NSF: variants seen among roughly 807,000 people sequenced by gnomAD.
NSF encodes the protein N-ethylmaleimide sensitive factor, vesicle fusing ATPase.
A neutral mutation model predicts 50.3 loss-of-function variants in NSF; 14 were observed. The ratio of observed to expected loss-of-function variants is 0.28; its 90% CI spans 0.18 to 0.44. The LOEUF (loss-of-function observed/expected upper bound fraction) is 0.44. Ranked by LOEUF, NSF falls within the 20% of genes least tolerant of loss-of-function variation. The pLI, the probability that NSF is intolerant of heterozygous loss-of-function variation, is 1.00. For missense variants in NSF, 218 were observed against 504.3 expected, an observed-to-expected ratio of 0.43 and a Z score of 5.44; for synonymous variants, 109 against 175.7, an observed-to-expected ratio of 0.62 and a Z score of 3.00.
intron 17 of NSF, among the ~76,000 whole-genome samples, chr17:46,731,000 A>G (rs1197495121): frequency 6.6e-6 from 1 of 152,184 alleles, no homozygotes; most frequent in Non-Finnish European, 1.5e-5. Flanking sequence ...TAGAGTTACC[A>G]TATAACCCAG....
chr17:46,679,700 A>G (rs867784935), intron 9 of NSF, among the ~76,000 whole-genome samples: 2 of 151,676 alleles, frequency 1.3e-5, no homozygotes, highest in South Asian at 2.1e-4. Context: ...GTCAAAAAAA[A>G]AAAAAAGAAG....
intron 17 of NSF, among the ~76,000 whole-genome samples, chr17:46,748,033 A>G (rs1419276165): frequency 6.6e-6 from 1 of 152,234 alleles, no homozygotes; most frequent in Non-Finnish European, 1.5e-5. Flanking sequence ...AAGATCAAAG[A>G]TCAGATAGCA....
intron 17 of NSF, among the ~76,000 whole-genome samples, chr17:46,737,737 C>T (rs2059022982): frequency 6.6e-6 from 1 of 151,798 alleles, no homozygotes; most frequent in Non-Finnish European, 1.5e-5. Context: ...AAAGTGTGGT[C>T]CATTTTACCT....
Position 46,708,822 on chromosome 17 carries a change from AT to A in NSF, c.1471-2120del, listed in dbSNP as rs386627394. Among the ~76,000 whole-genome samples the A allele has an allele frequency of 0.026, 2,869 of 108,572 alleles. 255 individuals carry two copies. In the East Asian group the frequency reaches 0.39, roughly 15 times the overall value. 71.2% of individuals were successfully genotyped at this position (108,572 alleles called of 152,430 possible). On this transcript the variant is annotated intron_variant, in intron 13 of 20. Coordinates refer to ENST00000398238, the MANE Select transcript of NSF (RefSeq NM_006178.4). ...ATTTATTTTATATATATATATATAT[AT>A]TTTTTTTTTTTTTTTTTTTTGAGAC...
At chr17:46,667,771 TG>T (rs1255050492) in intron 8 of NSF, among the ~76,000 whole-genome samples, 1 of 122,110 alleles carries the variant, frequency 8.2e-6, no homozygotes, top group East Asian at 2.1e-4. Context: ...CACACCACTT[TG>T]GGGATCTCAG....
intron 12 of NSF, among the ~76,000 whole-genome samples, chr17:46,703,626 G>A (rs1190287103): frequency 1.9e-4 from 27 of 139,058 alleles, no homozygotes; most frequent in African/African-American, 6.4e-4. Context: ...AGCTTGCAGC[G>A]TCCGAGATCG....
chr17:46,605,993 TACAAAAAAAAA>T (rs2057954373), intron 1 of NSF, among the ~76,000 whole-genome samples: 2 of 756 alleles, frequency 2.6e-3, no homozygotes, highest in Admixed American at 0.013. Flanking sequence ...CTACTAAAAA[TACAAAAAAAAA>T]AAAAAAAAAA....
At chr17:46,746,582 A>T (rs1170773155) in intron 17 of NSF, among the ~76,000 whole-genome samples, 1 of 152,008 alleles carries the variant, frequency 6.6e-6, no homozygotes, top group Non-Finnish European at 1.5e-5. Context: ...TTATCTATGG[A>T]CTGAGTGTGT....
rs542116729 is a variant in NSF, at chr17:46,602,431, T to C, written c.12+11644T>C. ...AATGCAGGGTATTTTGGTCTTTTGC[T>C]AAATTCAGAAAGAAATGTTAAAGTG... On this transcript the variant is annotated intron_variant, in intron 1 of 20. Coordinates refer to ENST00000398238, the MANE Select transcript of NSF (RefSeq NM_006178.4). 8 of 24,194 alleles carry C rather than the reference T, an allele frequency of 3.3e-4. No individual in the cohort carries two copies. The South Asian group carries it at 3.5e-3, about 11-fold the overall frequency. The allele number at this position is 24,194 out of a possible 1,614,324, so 1.5% of individuals were successfully genotyped here.
intron 8 of NSF, among the ~76,000 whole-genome samples, chr17:46,662,742 CT>C (rs2058316351): frequency 7.4e-6 from 1 of 136,032 alleles, no homozygotes; most frequent in African/African-American, 2.7e-5. Context: ...CTTTTTAGCC[CT>C]TTACCATCCT....
chr17:46,710,898 G>A (rs940402268), intron 13 of NSF, 65 bp from the exon 14 acceptor site: 39 of 1,417,040 alleles, frequency 2.8e-5, no homozygotes, highest in Admixed American at 5.3e-5. Context: ...ATTATAACTC[G>A]TCTTTTATAC....
chr17:46,715,665 A>C lies in NSF; in HGVS notation c.1761+1679A>C, dbSNP rs112314107. 3.3e-3 allele frequency among the ~76,000 whole-genome samples: 496 copies of C among 152,316 alleles called. 5 individuals carry two copies. The highest frequency in any genetic ancestry group is 0.012 in the African/African-American group (480 of 41,570). On this transcript the variant is annotated intron_variant, in intron 15 of 20. Coordinates refer to ENST00000398238, the MANE Select transcript of NSF (RefSeq NM_006178.4). ...TTCTGCAGATCAAAGCTACTTTGTA[A>C]GTGTGAGATATTATCATTTTTATTA...
intron 15 of NSF, among the ~76,000 whole-genome samples, chr17:46,718,739 A>C (rs1420583363): frequency 6.6e-6 from 1 of 152,232 alleles, no homozygotes; most frequent in Non-Finnish European, 1.5e-5. Context: ...AAATGAAGAT[A>C]ATATTAATAG....
intron 15 of NSF, among the ~76,000 whole-genome samples, chr17:46,716,765 C>T (rs1173106202): frequency 6.6e-6 from 1 of 151,990 alleles, no homozygotes; most frequent in Non-Finnish European, 1.5e-5. Flanking sequence ...CATATTTGTC[C>T]TTCAATTCTC....
intron 15 of NSF, among the ~76,000 whole-genome samples, chr17:46,723,388 T>G (rs2058853306): frequency 6.6e-6 from 1 of 152,204 alleles, no homozygotes; most frequent in Non-Finnish European, 1.5e-5. Context: ...GATACCACAT[T>G]GGCTGCGGTT....
chr17:46,605,172 C>A (rs2057942950), intron 1 of NSF, among the ~76,000 whole-genome samples: 1 of 63,092 alleles, frequency 1.6e-5, no homozygotes, highest in Non-Finnish European at 3.4e-5. Context: ...CTGTCAGAGG[C>A]TGGGCATGGT....
chr17:46,724,482 C>T (rs887862847), intron 15 of NSF, among the ~76,000 whole-genome samples: 11 of 152,230 alleles, frequency 7.2e-5, no homozygotes, highest in African/African-American at 2.6e-4. Context: ...TGCAGTGACT[C>T]CTAAGGCTTC....
rs1320439417 is a variant in NSF at position 46,635,812 on chromosome 17, TGTGTGTGCTC to T, written c.239-1556_239-1547del. Among the ~76,000 whole-genome samples, 208 of 142,622 alleles carry T rather than the reference TGTGTGTGCTC, an allele frequency of 1.5e-3. 25 individuals are homozygous for T. The highest frequency in any genetic ancestry group is 2.6e-3 in the Non-Finnish European group (163 of 63,226). 93.6% of individuals were successfully genotyped at this position (142,622 alleles called of 152,430 possible). ...GTGTGTGTGTGTGTGTGTGTGTGTG[TGTGTGTGCTC>T]GTGTGTGAAGCCTTATTGAAGAGTA... On this transcript the variant is annotated intron_variant, in intron 4 of 20. Coordinates refer to ENST00000398238, the MANE Select transcript of NSF (RefSeq NM_006178.4).
intron 15 of NSF, among the ~76,000 whole-genome samples, chr17:46,725,115 G>T (rs2058874262): frequency 6.6e-6 from 1 of 152,052 alleles, no homozygotes; most frequent in Admixed American, 6.6e-5. Flanking sequence ...ATAGTACAAT[G>T]AATCAATAAT....
Sources: gnomAD v4.1 joint callset for allele counts (sites outside exome capture counted in the v4.1 genomes callset) on GRCh38, gnomAD v4.1.1 for gene constraint, MANE v1.5 for transcripts, NCBI Gene and HGNC (gene_info 2026-07-23, HGNC 2026-07-21) for gene names.